ULK4: variants seen among roughly 807,000 people sequenced by gnomAD.
ULK4 encodes inactive serine/threonine-protein kinase ULK4.
In ULK4, 133 loss-of-function variants were observed where a neutral mutation model predicts 160.6. The observed-to-expected ratio is 0.83, with a 90% CI of 0.72 to 0.96. ULK4 has a LOEUF of 0.96. Among genes scored for constraint, ULK4 ranks in the 40% least tolerant of loss-of-function variants. The pLI is 0.00. For missense variants in ULK4, 1,580 were observed against 1,499.5 expected (o/e 1.05, Z -0.89); for synonymous variants, 534 against 539.8 (o/e 0.99, Z 0.15).
At chr3:41,545,961 T>C (rs756126852) in intron 32 of ULK4, among the ~76,000 whole-genome samples, 34 of 152,340 alleles carry the variant, frequency 2.2e-4, no homozygotes, top group Non-Finnish European at 4.3e-4. Flanking sequence ...ATAGATTCAT[T>C]ACTCTGATGA....
At chr3:41,660,664 T>C (rs1413120330) in intron 30 of ULK4, among the ~76,000 whole-genome samples, 4 of 152,182 alleles carry the variant, frequency 2.6e-5, no homozygotes, top group African/African-American at 9.7e-5. Flanking sequence ...AGGGGGACAA[T>C]AATTGGTCTT....
chr3:41,756,332 C>T (rs2038803051), intron 21 of ULK4, among the ~76,000 whole-genome samples: 1 of 152,092 alleles, frequency 6.6e-6, no homozygotes, highest in African/African-American at 2.4e-5. Flanking sequence ...AAATTTTAGC[C>T]ACAGTGGATC....
Position 41,246,893 on chromosome 3 carries a change from G to GGCCACAGGGCGGGCTTGT in ULK4, c.*18_*35dup. On this transcript the variant is annotated 3_prime_UTR_variant, in exon 37 of 37. Coordinates refer to ENST00000301831, the MANE Select transcript of ULK4 (RefSeq NM_017886.4). ...CCTTGCTTATGCATCCGAGGGCTGG[G>GGCCACAGGGCGGGCTTGT]GCCACAGGGCGGGCTTGTGCTAAGC... is the stretch of plus-strand genomic sequence containing the variant. 5 of 1,608,742 alleles carry GGCCACAGGGCGGGCTTGT rather than the reference G, an allele frequency of 3.1e-6. No homozygotes were observed. The highest frequency in any genetic ancestry group is 4.2e-6 in the Non-Finnish European group (5 of 1,177,548).
chr3:41,702,609 A>C (rs2036714962), intron 27 of ULK4, among the ~76,000 whole-genome samples: 1 of 152,164 alleles, frequency 6.6e-6, no homozygotes, highest in South Asian at 2.1e-4. Context: ...AGGGTAAGGC[A>C]AAAAACATTA....
chr3:41,265,214 C>T (rs575972044), intron 35 of ULK4, among the ~76,000 whole-genome samples: 2 of 152,328 alleles, frequency 1.3e-5, no homozygotes, highest in Admixed American at 6.5e-5. Flanking sequence ...CAGGGGGCCA[C>T]GGCCAGCCAA....
At chr3:41,896,717 A>G in intron 15 of ULK4, 105 bp downstream of exon 15, 1 of 1,290,022 alleles carries the variant, frequency 7.8e-7, no homozygotes, top group Non-Finnish European at 1.0e-6. Flanking sequence ...AATCGTGATA[A>G]ATCAGTTTTT....
At position 41,789,828 on chromosome 3, in the gene ULK4, T is replaced by C. The variant is rs201415939; in HGVS notation, c.2026A>G (p.Thr676Ala). ...TGGAAGGCAGTAGGAGAATGGCGAG[T>C]GATTCTACACAAGGCCTACAAAGAC... The part of the protein sequence containing the change: ...ITAVSALCRI[T>A]RHSPTAFQNV... The change falls in exon 21 of 37, where the codon ACT becomes GCT. Residue 676 changes from threonine (T) to alanine (A), a missense_variant. Thr to Ala is a moderately conservative substitution (Grantham distance 58). Transcript: ENST00000301831. The C allele has an allele frequency of 1.0e-4, 163 of 1,610,492 alleles. No homozygotes were observed. The highest frequency in any genetic ancestry group is 6.0e-4 in the African/African-American group (45 of 74,844).
At chr3:41,856,555 ATATATACACATATATATATGTG>A (rs2042353027) in intron 17 of ULK4, among the ~76,000 whole-genome samples, 4 of 40,404 alleles carry the variant, frequency 9.9e-5, no homozygotes, top group African/African-American at 3.2e-4. Context: ...ATATGTGTAT[ATATATACACATATATATATGTG>A]TATATATATA....
chr3:41,760,541 C>T (rs1015635767), intron 21 of ULK4, among the ~76,000 whole-genome samples: 9 of 152,198 alleles, frequency 5.9e-5, no homozygotes, highest in Admixed American at 1.3e-4. Context: ...GTAATGCTCC[C>T]AAATCCAAAA....
At chr3:41,703,741 T>C (rs910238381) in intron 27 of ULK4, among the ~76,000 whole-genome samples, 2 of 151,910 alleles carry the variant, frequency 1.3e-5, no homozygotes, top group Admixed American at 1.3e-4. Context: ...TTTCCAAATC[T>C]GTCTTAAAAA....
intron 32 of ULK4, among the ~76,000 whole-genome samples, chr3:41,545,103 C>T (rs76407610): frequency 0.021 from 3,126 of 152,114 alleles, 113 homozygotes; most frequent in African/African-American, 0.072. Context: ...TTTTATTGTG[C>T]GGCAGATTTG....
intron 34 of ULK4, among the ~76,000 whole-genome samples, chr3:41,413,853 A>T (rs374937611): frequency 6.6e-6 from 1 of 152,192 alleles, no homozygotes; most frequent in Non-Finnish European, 1.5e-5. Context: ...CAGACTTAGA[A>T]AAAGGAGCGC....
At chr3:41,918,880 C>T (rs571199172) in intron 6 of ULK4, among the ~76,000 whole-genome samples, 6 of 152,202 alleles carry the variant, frequency 3.9e-5, no homozygotes, top group Admixed American at 6.5e-5. Context: ...GGATTACAGG[C>T]GTGAGCCACC....
chr3:41,253,598 GAA>G (rs1346288128), intron 35 of ULK4, among the ~76,000 whole-genome samples: 1 of 151,388 alleles, frequency 6.6e-6, no homozygotes, highest in Non-Finnish European at 1.5e-5. Context: ...GCCGGAAAAG[GAA>G]AAGTGAGGAA....
intron 30 of ULK4, among the ~76,000 whole-genome samples, chr3:41,641,309 A>G (rs2034180786): frequency 6.6e-6 from 1 of 152,230 alleles, no homozygotes; most frequent in African/African-American, 2.4e-5. Context: ...GCTTCTGAAG[A>G]TAAGACTGTG....
intron 17 of ULK4, among the ~76,000 whole-genome samples, chr3:41,869,580 A>C (rs969675290): frequency 1.3e-5 from 2 of 152,000 alleles, no homozygotes; most frequent in African/African-American, 4.8e-5. Context: ...ACTCTGTCCA[A>C]AAAAACACTC....
chr3:41,707,058 C>G (rs752513546), intron 25 of ULK4, among the ~76,000 whole-genome samples: 7 of 152,050 alleles, frequency 4.6e-5, no homozygotes, highest in Non-Finnish European at 8.8e-5. Context: ...GCCTACCTCA[C>G]TTCCAGAGAT....
chr3:41,348,206 C>CAAAAAAAAAAAAAA (rs1197234650), intron 35 of ULK4, among the ~76,000 whole-genome samples: 7 of 22,964 alleles, frequency 3.0e-4, no homozygotes, highest in African/African-American at 1.0e-3. Flanking sequence ...AACTCTGTCT[C>CAAAAAAAAAAAAAA]AAAAAAAAAA....
chr3:41,368,801 G>A (rs1206572746), intron 35 of ULK4, among the ~76,000 whole-genome samples: 2 of 151,988 alleles, frequency 1.3e-5, no homozygotes, highest in Admixed American at 6.5e-5. Flanking sequence ...AATTACATTT[G>A]AGTTGTCCCT....
Sources: allele counts gnomAD v4.1 joint callset (sites outside exome capture counted in the v4.1 genomes callset), GRCh38; gene constraint gnomAD v4.1.1; transcripts MANE v1.5; gene names NCBI Gene and HGNC (gene_info 2026-07-23, HGNC 2026-07-21).